The following GULP1 variants were observed in gnomAD, a reference collection of about 807,000 sequenced individuals.
GULP1 encodes GULP PTB domain containing engulfment adaptor 1, also known as PTB domain-containing engulfment adapter protein 1.
Under a neutral mutation model 40.9 loss-of-function variants are expected in GULP1, and 19 were observed. The observed-to-expected ratio is 0.46, with a 90% confidence interval of 0.32 to 0.68. The LOEUF (loss-of-function observed/expected upper bound fraction) is 0.68. Among genes scored for constraint, GULP1 ranks in the 30% least tolerant of loss-of-function variants. The pLI is 0.03. For synonymous variants in GULP1, 119 were observed against 117.6 expected, an observed-to-expected ratio of 1.01 and a Z score of -0.08; for missense variants, 312 against 362.2, an observed-to-expected ratio of 0.86 and a Z score of 1.12.
chr2:188,574,270 C>T (rs575892915), intron 9 of GULP1, among the ~76,000 whole-genome samples: 1 of 152,092 alleles, frequency 6.6e-6, no homozygotes, highest in East Asian at 1.9e-4. Flanking sequence ...ATTTTATTTT[C>T]AGTTTATGAT....
rs1247139851 is a variant in GULP1 at position 188,595,901 on chromosome 2, C to T, written c.*1890C>T. 1.3e-5 allele frequency: 2 copies of T among 152,058 alleles called. No individual in the cohort carries two copies. Among genetic ancestry groups the T allele is most frequent in the Non-Finnish European group, 3.0e-5 (2 of 67,742 alleles). 9.4% of individuals were successfully genotyped at this position (152,058 alleles called of 1,614,324 possible). A position where few individuals can be genotyped will look rare whatever the true frequency, so the allele number is the denominator to read the frequency against. On this transcript the variant is annotated 3_prime_UTR_variant, in exon 12 of 12. Transcript: ENST00000409830. ...TAAACTCAACGATATGTTTGGTTTT[C>T]CTGAAAATAAATGATTTTAAATAAA... is the stretch of plus-strand genomic sequence containing the variant.
At chr2:188,354,589 C>G (rs1046421994) in intron 1 of GULP1, among the ~76,000 whole-genome samples, 1 of 152,156 alleles carries the variant, frequency 6.6e-6, no homozygotes, top group African/African-American at 2.4e-5. Context: ...AATAACTGCA[C>G]CCTGGAACCC....
At chr2:188,588,621 A>G (rs1445083727) in intron 11 of GULP1, 1 of 152,238 alleles carries the variant, frequency 6.6e-6, no homozygotes, top group Non-Finnish European at 1.5e-5. Flanking sequence ...ATTTTGGTGA[A>G]GTTATTATAT....
intron 4 of GULP1, among the ~76,000 whole-genome samples, chr2:188,499,969 A>T (rs1156754200): frequency 1.3e-5 from 2 of 151,816 alleles, no homozygotes; most frequent in African/African-American, 4.8e-5. Flanking sequence ...TTTTAAAAAA[A>T]TATATATTTA....
rs114295921 is a variant in GULP1, at chr2:188,297,862, G to A, written c.-172+5696G>A. On this transcript the variant is annotated intron_variant, in intron 1 of 11. Transcript: ENST00000409830. ...GAACATTTGTAGTATGGTAGCAAAC[G>A]TGCAAATTTGGGATAAAAAATTGAA... 5.7e-3 allele frequency among the ~76,000 whole-genome samples: 869 copies of A among 151,974 alleles called. 11 individuals are homozygous for A. The highest frequency in any genetic ancestry group is 0.02 in the African/African-American group (821 of 41,484).
chr2:188,456,410 G>A (rs531121095), intron 2 of GULP1, among the ~76,000 whole-genome samples: 48 of 152,208 alleles, frequency 3.2e-4, no homozygotes, highest in South Asian at 1.7e-3. Flanking sequence ...CAGCCGCTCC[G>A]CCATCGCTGA....
intron 1 of GULP1, among the ~76,000 whole-genome samples, chr2:188,310,806 A>G (rs1030834546): frequency 6.6e-6 from 1 of 152,226 alleles, no homozygotes; most frequent in African/African-American, 2.4e-5. Context: ...ATCTGAACCC[A>G]TAATTTCAAT....
intron 2 of GULP1, among the ~76,000 whole-genome samples, chr2:188,455,116 A>G (rs1260596329): frequency 1.3e-5 from 2 of 152,212 alleles, no homozygotes; most frequent in East Asian, 1.9e-4. Flanking sequence ...TTGGAGACAG[A>G]GTGAGATCCT....
At chr2:188,305,792 A>G (rs2036967577) in intron 1 of GULP1, among the ~76,000 whole-genome samples, 2 of 152,054 alleles carry the variant, frequency 1.3e-5, no homozygotes, top group Non-Finnish European at 2.9e-5. Context: ...TTCAAAATTT[A>G]TTTTCAAGAC....
chr2:188,434,932 C>G (rs564256842), intron 2 of GULP1, among the ~76,000 whole-genome samples: 2 of 152,020 alleles, frequency 1.3e-5, no homozygotes, highest in South Asian at 4.1e-4. Context: ...GATGTGAGCA[C>G]AATGTTTTGT....
rs190403465 is a variant in GULP1, at chr2:188,593,906, T to G, written c.844-34T>G. 8.7e-4 allele frequency: 998 copies of G among 1,147,470 alleles called. 11 individuals carry two copies. The African/African-American group carries it at 0.014, about 16-fold the overall frequency. The allele number at this position is 1,147,470 out of a possible 1,614,324, so 71.1% of individuals were successfully genotyped here. A position where few individuals can be genotyped will look rare whatever the true frequency, so the allele number is the denominator to read the frequency against. ...CACTGATTTTATTTTGCTGTAAGCA[T>G]TTCAGATATTAATTATTTTATTCTG... On this transcript the variant is annotated intron_variant, in intron 11 of 11. Transcript: ENST00000409830.
chr2:188,557,249 C>A (rs1335783999), intron 7 of GULP1, among the ~76,000 whole-genome samples: 1 of 152,132 alleles, frequency 6.6e-6, no homozygotes, highest in African/African-American at 2.4e-5. Context: ...TTGGCATTAA[C>A]CCCAAAGTCC....
intron 2 of GULP1, among the ~76,000 whole-genome samples, chr2:188,449,948 T>G (rs1313484504): frequency 6.6e-6 from 1 of 152,222 alleles, no homozygotes; most frequent in Non-Finnish European, 1.5e-5. Flanking sequence ...ATTTTCTTTC[T>G]TCCTCTTTTC....
At chr2:188,426,099 A>G (rs180902192) in intron 2 of GULP1, among the ~76,000 whole-genome samples, 13 of 152,296 alleles carry the variant, frequency 8.5e-5, no homozygotes, top group African/African-American at 2.9e-4. Context: ...ACATAAATCA[A>G]TACATGTAAG....
intron 5 of GULP1, among the ~76,000 whole-genome samples, chr2:188,525,398 C>CA (rs1396443368): frequency 1.3e-5 from 2 of 151,702 alleles, no homozygotes; most frequent in African/African-American, 2.4e-5. Flanking sequence ...TCTCAAAAAA[C>CA]AAAAAAACAA....
intron 1 of GULP1, among the ~76,000 whole-genome samples, chr2:188,350,521 T>A (rs2044307613): frequency 2.0e-5 from 3 of 152,038 alleles, no homozygotes; most frequent in African/African-American, 7.2e-5. Context: ...ATAACTGATT[T>A]TTATATATAC....
At chr2:188,336,984 C>T (rs1356810079) in intron 1 of GULP1, among the ~76,000 whole-genome samples, 1 of 152,110 alleles carries the variant, frequency 6.6e-6, no homozygotes, top group Non-Finnish European at 1.5e-5. Context: ...TTTGATAATT[C>T]CTTCCAACTC....
At chr2:188,431,145 A>C (rs1195870110) in intron 2 of GULP1, among the ~76,000 whole-genome samples, 4 of 152,170 alleles carry the variant, frequency 2.6e-5, no homozygotes, top group Admixed American at 2.6e-4. Context: ...ATTTTTCAGC[A>C]AACCTTCAGA....
intron 5 of GULP1, among the ~76,000 whole-genome samples, chr2:188,527,109 C>G (rs964792100): frequency 3.3e-5 from 5 of 152,160 alleles, no homozygotes; most frequent in African/African-American, 1.2e-4. Context: ...TTTTCTACCT[C>G]AGCCCCTACT....
Sources: allele counts gnomAD v4.1 joint callset (sites outside exome capture counted in the v4.1 genomes callset), GRCh38; gene constraint gnomAD v4.1.1; transcripts MANE v1.5; gene names NCBI Gene and HGNC (gene_info 2026-07-23, HGNC 2026-07-21).